USP10: variants seen among roughly 807,000 people sequenced by gnomAD.
USP10 encodes ubiquitin carboxyl-terminal hydrolase 10.
Under a neutral mutation model 84.5 loss-of-function variants are expected in USP10, and 22 were observed. The ratio of observed to expected loss-of-function variants is 0.26; its 90% CI spans 0.19 to 0.37. USP10 has a LOEUF of 0.37. USP10 is among the 10% of genes least tolerant of loss of function. The pLI, the probability that USP10 is intolerant of heterozygous loss-of-function variation, is 1.00. For missense variants in USP10, 1,019 were observed against 998.9 expected, an observed-to-expected ratio of 1.02 and a Z score of -0.27; for synonymous variants, 454 against 387.6, an observed-to-expected ratio of 1.17 and a Z score of -2.01.
intron 4 of USP10, among the ~76,000 whole-genome samples, chr16:84,756,113 C>A (rs368359341): frequency 7.3e-6 from 1 of 137,388 alleles, no homozygotes; most frequent in Non-Finnish European, 1.6e-5. Flanking sequence ...TCTCCCAACA[C>A]CCCTTCAGCT....
intron 2 of USP10, among the ~76,000 whole-genome samples, chr16:84,740,019 C>G (rs12149780): frequency 6.6e-6 from 1 of 152,114 alleles, no homozygotes; most frequent in Non-Finnish European, 1.5e-5. Flanking sequence ...ATAAGCATTT[C>G]ATTGTAGCTG....
intron 1 of USP10, chr16:84,704,765 T>C: frequency 6.5e-7 from 1 of 1,535,210 alleles, no homozygotes; most frequent in East Asian, 2.4e-5. Flanking sequence ...CCCATTTTCA[T>C]CAGATGACTT....
chr16:84,756,662 G>C (rs1052620158), intron 4 of USP10, among the ~76,000 whole-genome samples: 1 of 152,054 alleles, frequency 6.6e-6, no homozygotes. Context: ...AAAAAAAAAA[G>C]TCATTTGATA....
intron 13 of USP10, among the ~76,000 whole-genome samples, chr16:84,777,343 G>T (rs774304): frequency 6.6e-6 from 1 of 151,998 alleles, no homozygotes; most frequent in African/African-American, 2.4e-5. Flanking sequence ...AGGCCCTGCA[G>T]ATTCTACTGA....
chr16:84,714,676 T>C (rs1444018492), intron 1 of USP10, among the ~76,000 whole-genome samples: 2 of 152,214 alleles, frequency 1.3e-5, no homozygotes, highest in Non-Finnish European at 2.9e-5. Context: ...AATTTTTAGT[T>C]GTTACTTGTG....
chr16:84,722,662 A>G (rs1319535687), intron 1 of USP10, among the ~76,000 whole-genome samples: 1 of 152,070 alleles, frequency 6.6e-6, no homozygotes, highest in Non-Finnish European at 1.5e-5. Flanking sequence ...CCCAGGTTTA[A>G]GCAGTTCTCC....
chr16:84,735,400 G>C (rs1597332113), intron 2 of USP10, among the ~76,000 whole-genome samples: 1 of 152,150 alleles, frequency 6.6e-6, no homozygotes, highest in African/African-American at 2.4e-5. Context: ...TCATGTGATA[G>C]GAAAGTGAAA....
rs1597246314 is a variant in USP10 at position 84,700,015 on chromosome 16, G to C, written c.-76G>C. On this transcript the variant is annotated 5_prime_UTR_variant, in exon 1 of 14. Coordinates refer to ENST00000219473, the MANE Select transcript of USP10 (RefSeq NM_005153.3). ...CGGCCGATGCGAGTGTGTATGTGCG[G>C]GCGAGAAGATGGCGGCGGCGGGGGA... The C allele has an allele frequency of 3.1e-6, 4 of 1,307,744 alleles. No homozygotes were observed. In the East Asian group the frequency reaches 2.0e-4, roughly 64 times the overall value. 81.0% of individuals were successfully genotyped at this position (1,307,744 alleles called of 1,614,324 possible).
intron 13 of USP10, among the ~76,000 whole-genome samples, chr16:84,778,091 C>CTGTG (rs113716260): frequency 0.017 from 2,410 of 143,522 alleles, 69 homozygotes; most frequent in African/African-American, 0.057. Flanking sequence ...AAGTAAATAA[C>CTGTG]TGTGTGTGTG....
chr16:84,745,419 A>G lies in USP10; in HGVS notation c.938A>G (p.Asp313Gly), dbSNP rs184177272. 1.2e-6 allele frequency: 2 copies of G among 1,613,684 alleles called. No individual in the cohort carries two copies. Among genetic ancestry groups the G allele is most frequent in the Non-Finnish European group, 1.7e-6 (2 of 1,179,686 alleles). ...ELHTTESIDL[D>G]PTKPESASPP... The stretch of plus-strand genomic sequence containing the variant: ...CACACCACGGAAAGCATAGACTTGG[A>G]CCCAACCAAACCCGAGAGTGCATCA... The change falls in exon 4 of 14, where the codon GAC becomes GGC. Residue 313 changes from aspartate to glycine, a missense_variant. Asp to Gly is a moderately conservative substitution (Grantham distance 94). Around this residue, in one of 2 missense-constraint regions of USP10, gnomAD observed 787 missense variants for 708.8 expected, o/e 1.11. Transcript: ENST00000219473.
At chr16:84,761,839 C>T (rs1162550982) in intron 8 of USP10, among the ~76,000 whole-genome samples, 1 of 152,262 alleles carries the variant, frequency 6.6e-6, no homozygotes, top group East Asian at 1.9e-4. Context: ...TGCAAGCAGG[C>T]CTTTCCAAGG....
chr16:84,739,256 TG>T (rs939396966), intron 2 of USP10, among the ~76,000 whole-genome samples: 7 of 142,304 alleles, frequency 4.9e-5, no homozygotes, highest in African/African-American at 1.3e-4. Flanking sequence ...AGACAGGGTT[TG>T]TTTTTTTTTT....
intron 4 of USP10, 131 bp from the exon 5 acceptor site, chr16:84,758,585 T>A (rs1390035919): frequency 3.0e-6 from 2 of 666,250 alleles, no homozygotes; most frequent in Non-Finnish European, 2.7e-6. Context: ...CTTAACAGTA[T>A]GCATTTTCTT....
At chr16:84,704,382 C>T (rs1172938348) in intron 1 of USP10, among the ~76,000 whole-genome samples, 1 of 152,228 alleles carries the variant, frequency 6.6e-6, no homozygotes, top group Non-Finnish European at 1.5e-5. Flanking sequence ...ATCACCATCG[C>T]ACAAAACAGA....
intron 1 of USP10, among the ~76,000 whole-genome samples, chr16:84,711,591 G>A (rs935070796): frequency 6.6e-6 from 1 of 152,104 alleles, no homozygotes; most frequent in Non-Finnish European, 1.5e-5. Context: ...AAATAATTAC[G>A]CTTGGTTCTC....
chr16:84,733,650 G>C, intron 2 of USP10, 147 bp downstream of exon 2: 1 of 530,640 alleles, frequency 1.9e-6, no homozygotes, highest in Admixed American at 3.8e-5. Flanking sequence ...CCACCAACTA[G>C]ATTTGACTGA....
chr16:84,707,492 T>C (rs1597265188), intron 1 of USP10, among the ~76,000 whole-genome samples: 1 of 152,206 alleles, frequency 6.6e-6, no homozygotes, highest in East Asian at 1.9e-4. Context: ...GTCAGTTTGG[T>C]GTGTGTCTTC....
At chr16:84,705,265 T>C (rs1346669781) in intron 1 of USP10, among the ~76,000 whole-genome samples, 2 of 150,742 alleles carry the variant, frequency 1.3e-5, no homozygotes, top group Non-Finnish European at 3.0e-5. Context: ...GGAGTCTCGC[T>C]CTGTCGCCCA....
At chr16:84,702,769 G>A (rs1905051233) in intron 1 of USP10, among the ~76,000 whole-genome samples, 1 of 152,046 alleles carries the variant, frequency 6.6e-6, no homozygotes, top group Non-Finnish European at 1.5e-5. Context: ...CAGGTGGGTG[G>A]ATCACTTGAG....
Sources: gnomAD v4.1 joint callset for allele counts (sites outside exome capture counted in the v4.1 genomes callset) on GRCh38, gnomAD v4.1.1 for gene constraint, gnomAD v4.1.1 regional missense constraint, MANE v1.5 for transcripts, NCBI Gene and HGNC (gene_info 2026-07-23, HGNC 2026-07-21) for gene names.